The following TCOF1 variants were observed in gnomAD, a reference collection of about 807,000 sequenced individuals.
TCOF1 encodes treacle ribosome biogenesis factor 1.
TCOF1 carries 33 observed loss-of-function variants against 149.0 expected under a neutral mutation model. The observed-to-expected ratio is 0.22, with a 90% CI of 0.17 to 0.30. TCOF1 has a LOEUF of 0.30. Ranked by LOEUF, TCOF1 falls within the 10% of genes least tolerant of loss-of-function variation. The pLI is 1.00. For missense variants in TCOF1, 1,728 were observed against 1,840.7 expected (o/e 0.94, Z 1.12); for synonymous variants, 789 against 738.8 (o/e 1.07, Z -1.10).
Position 150,391,802 on chromosome 5 carries a change from A to C in TCOF1, c.3297+145A>C. On this transcript the variant is annotated intron_variant, in intron 20 of 26. Coordinates refer to ENST00000643257, the MANE Select transcript of TCOF1 (RefSeq NM_001371623.1). ...GGCCTCAGTGGCCTAATCTGTAAGAAGGAATTACAGTACCTTTCGTAGTTG... is the reference window on the plus strand; with the variant it reads ...GGCCTCAGTGGCCTAATCTGTAAGACGGAATTACAGTACCTTTCGTAGTTG... 3 of 1,156,064 alleles carry C rather than the reference A, an allele frequency of 2.6e-6. No homozygotes were observed. The South Asian group carries it at 4.0e-5, about 15-fold the overall frequency. The allele number at this position is 1,156,064 out of a possible 1,614,324, so 71.6% of individuals were successfully genotyped here.
Position 150,372,077 on chromosome 5 carries a change from G to C in TCOF1, c.711G>C (p.Lys237Asn). Residue 237 changes from lysine (K) to asparagine (N), a missense_variant, in exon 7 of 27, where the codon AAG (lysine) becomes AAC (asparagine). Lys to Asn is a moderately conservative substitution (Grantham distance 94). Coordinates refer to ENST00000643257, the MANE Select transcript of TCOF1 (RefSeq NM_001371623.1). ...SVSTKESPAR[K>N]AAPAPGKVGD... ...CTACTAAGGAGTCTCCAGCAAGAAA[G>C]GCGGCCCCAGCCCCTGGGAAGGTGG... The C allele has an allele frequency of 1.2e-6, 2 of 1,614,246 alleles. No individual in the cohort carries two copies. The highest frequency in any genetic ancestry group is 1.7e-6 in the Non-Finnish European group (2 of 1,180,042).
chr5:150,360,397 C>T (rs1484008161), intron 1 of TCOF1, among the ~76,000 whole-genome samples: 1 of 152,240 alleles, frequency 6.6e-6, no homozygotes, highest in Admixed American at 6.5e-5. Context: ...GCCCAGTCTT[C>T]TCCCAGCAGA....
chr5:150,389,767 T>A, intron 18 of TCOF1, 120 bp from the exon 19 acceptor site: 1 of 1,567,640 alleles, frequency 6.4e-7, no homozygotes, highest in Non-Finnish European at 8.7e-7. Flanking sequence ...CTTCTACCTC[T>A]GTAAGCCCTG....
rs778793702 is a variant in TCOF1, at chr5:150,374,988, C to T, written c.1313C>T (p.Ala438Val). ...KPSGKAPQVR[A>V]ASAPAKESPR... is the part of the protein sequence containing the mutation. ...TCAGGGAAGGCCCCCCAGGTCAGAG[C>T]CGCCTCGGCCCCTGCCAAGGAGTCC... Residue 438 changes from alanine to valine, a missense_variant, in exon 10 of 27, where the codon GCC becomes GTC. Coordinates refer to ENST00000643257, the MANE Select transcript of TCOF1 (RefSeq NM_001371623.1). 9.3e-6 allele frequency: 15 copies of T among 1,613,794 alleles called. No homozygotes were observed. The highest frequency in any genetic ancestry group is 2.2e-5 in the East Asian group (1 of 44,880).
intron 10 of TCOF1, 49 bp from the exon 11 acceptor site, chr5:150,375,290 C>T (rs768858805): frequency 1.6e-5 from 25 of 1,605,030 alleles, no homozygotes; most frequent in South Asian, 3.3e-5. Context: ...CCCTCACTCA[C>T]ATTCTCCTTC....
In TCOF1 at chr5:150,392,379, AC is replaced by A. The variant is rs1561532479; in HGVS notation, c.3517+204del. ...AGAGACCTGACTTTGCTGTTTGACC[AC>A]TCTCAGCTTTTTGGTATCAGACTCC... On this transcript the variant is annotated intron_variant, in intron 21 of 26. Coordinates refer to ENST00000643257, the MANE Select transcript of TCOF1 (RefSeq NM_001371623.1). The A allele has an allele frequency of 1.1e-5, 7 of 638,926 alleles. No homozygotes were observed. In the East Asian group the frequency reaches 1.9e-4, roughly 18 times the overall value. 39.6% of individuals were successfully genotyped at this position (638,926 alleles called of 1,614,324 possible).
intron 17 of TCOF1, among the ~76,000 whole-genome samples, chr5:150,385,955 A>G (rs1342705742): frequency 2.0e-5 from 3 of 152,158 alleles, no homozygotes; most frequent in African/African-American, 7.2e-5. Context: ...CCCTCCAGTG[A>G]ATGAGCCCAG....
chr5:150,357,988 G>T, intron 1 of TCOF1, 134 bp downstream of exon 1: 1 of 839,984 alleles, frequency 1.2e-6, no homozygotes, highest in Non-Finnish European at 1.8e-6. Flanking sequence ...GGCGCGGCCA[G>T]GGGTACCGGA....
chr5:150,396,788 G>A lies in TCOF1; in HGVS notation c.4291G>A (p.Gly1431Ser). The change falls in exon 24 of 27, where the codon GGT becomes AGT. Residue 1431 changes from glycine to serine, a missense_variant. Gly to Ser is a moderately conservative substitution (Grantham distance 56). This residue lies in a region of TCOF1 where 1,696 missense variants were observed against 1,765.4 expected (regional missense o/e 0.96). Transcript: ENST00000643257. ...TCAGAAGGGGATGGGGACGGTTGAA[G>A]GTGGAGATCAAAGCAACCCAAAGAG... is the stretch of plus-strand genomic sequence containing the variant. ...ELQKGMGTVEGGDQSNPKSKK... is the reference protein window; with the variant it reads ...ELQKGMGTVESGDQSNPKSKK... 1.9e-6 allele frequency: 3 copies of A among 1,611,240 alleles called. No homozygotes were observed. Among genetic ancestry groups the A allele is most frequent in the South Asian group, 2.2e-5 (2 of 90,692 alleles).
At chr5:150,358,263 G>A (rs565007474) in intron 1 of TCOF1, among the ~76,000 whole-genome samples, 60 of 152,292 alleles carry the variant, frequency 3.9e-4, no homozygotes, top group Non-Finnish European at 7.9e-4. Context: ...CCCCTCGGGG[G>A]AGCGCCTGGA....
chr5:150,384,635 T>G (rs1178534461), intron 17 of TCOF1: 1 of 985,246 alleles, frequency 1.0e-6, no homozygotes, highest in African/African-American at 1.7e-5. Flanking sequence ...CTGCTTAAAC[T>G]GAACCATTTA....
chr5:150,360,112 A>C (rs1759699215), intron 1 of TCOF1, among the ~76,000 whole-genome samples: 1 of 152,234 alleles, frequency 6.6e-6, no homozygotes, highest in South Asian at 2.1e-4. Flanking sequence ...TTACCGGCTC[A>C]CTGCTGGGCA....
intron 5 of TCOF1, 128 bp from the exon 6 acceptor site, chr5:150,369,401 T>G: frequency 2.9e-6 from 3 of 1,032,524 alleles, no homozygotes; most frequent in Non-Finnish European, 3.0e-6. Context: ...TCAGTGCATG[T>G]GAGGCACACG....
At chr5:150,361,773 G>A (rs1005459602) in intron 2 of TCOF1, among the ~76,000 whole-genome samples, 9 of 152,206 alleles carry the variant, frequency 5.9e-5, no homozygotes, top group Non-Finnish European at 1.3e-4. Context: ...GAACTATGCA[G>A]TGGGTAGAGA....
chr5:150,372,209 G>C lies in TCOF1; in HGVS notation c.843G>C (p.Glu281Asp). ...GTGAGGAGGGATCTGAAAGTGAGGA[G>C]GAGGCCCCTGCAGGGACACGAAGCC... is the stretch of plus-strand genomic sequence containing the variant. ...ESSEEGSESE[E>D]EAPAGTRSQV... The change falls in exon 7 of 27, where the codon GAG becomes GAC. Residue 281 changes from glutamate (E) to aspartate (D), a missense_variant. Physicochemically the swap from Glu to Asp is conservative, Grantham distance 45 (BLOSUM62 2). Transcript: ENST00000643257. The C allele has an allele frequency of 6.2e-7, 1 of 1,612,656 alleles. No homozygotes were observed. Among genetic ancestry groups the C allele is most frequent in the Non-Finnish European group, 8.5e-7 (1 of 1,179,340 alleles).
rs749229511 is a variant in TCOF1 at position 150,379,381 on chromosome 5, T to TGAG, written c.2639_2641dup (p.Glu880dup). Reference sequence around the variant, plus strand: ...GGAGCAGTGAGGAGGAGTCAGACAGTGAGGAGGAGGCGGAGACGCTGGCTC... The same window carrying TGAG: ...GGAGCAGTGAGGAGGAGTCAGACAGTGAGGAGGAGGAGGCGGAGACGCTGGCTC... On this transcript the variant is annotated inframe_insertion, in exon 16 of 27. Transcript: ENST00000643257. 1 of 1,613,648 alleles carries TGAG rather than the reference T, an allele frequency of 6.2e-7. No individual in the cohort carries two copies. Among genetic ancestry groups the TGAG allele is most frequent in the Non-Finnish European group, 8.5e-7 (1 of 1,179,894 alleles).
chr5:150,395,133 C>T (rs1401497800), intron 23 of TCOF1, among the ~76,000 whole-genome samples: 1 of 152,230 alleles, frequency 6.6e-6, no homozygotes, highest in African/African-American at 2.4e-5. Context: ...CCCACCGCAG[C>T]TCTAGAGCCA....
chr5:150,399,284 G>T (rs891268855), intron 26 of TCOF1, among the ~76,000 whole-genome samples: 2 of 152,232 alleles, frequency 1.3e-5, no homozygotes, highest in Non-Finnish European at 2.9e-5. Flanking sequence ...TAATGGCAGT[G>T]GTGACACCGA....
rs1581164119 is a variant in TCOF1, at chr5:150,383,263, A to G, written c.2859+3531A>G. 20 of 1,102,954 alleles carry G rather than the reference A, an allele frequency of 1.8e-5. No homozygotes were observed. In the East Asian group the frequency reaches 4.9e-4, roughly 27 times the overall value. The allele number at this position is 1,102,954 out of a possible 1,614,324, so 68.3% of individuals were successfully genotyped here. A position where few individuals can be genotyped will look rare whatever the true frequency, so the allele number is the denominator to read the frequency against. ...AGGGCAGATCTTGCCCATAGGGAAA[A>G]TCTCGCCATATTTAAACAGCACCTC... On this transcript the variant is annotated intron_variant, in intron 17 of 26. Coordinates refer to ENST00000643257, the MANE Select transcript of TCOF1 (RefSeq NM_001371623.1).
Sources: gnomAD v4.1 joint callset for allele counts (sites outside exome capture counted in the v4.1 genomes callset) on GRCh38, gnomAD v4.1.1 for gene constraint, gnomAD v4.1.1 regional missense constraint, MANE v1.5 for transcripts, NCBI Gene and HGNC (gene_info 2026-07-23, HGNC 2026-07-21) for gene names.